The following ERCC6 variants were observed in gnomAD, a reference collection of about 807,000 sequenced individuals.
The protein encoded by ERCC6 is ERCC excision repair 6, chromatin remodeling factor, also known as DNA excision repair protein ERCC-6.
A neutral mutation model predicts 158.7 loss-of-function variants in ERCC6; 116 were observed. The observed-to-expected ratio is 0.73, with a 90% CI of 0.63 to 0.85. The LOEUF (loss-of-function observed/expected upper bound fraction) is 0.85, where lower values mean the gene tolerates loss of function less well. Ranked by LOEUF, ERCC6 falls within the 40% of genes least tolerant of loss-of-function variation. ERCC6 has a pLI of 0.00. For missense variants in ERCC6, 1,698 were observed against 1,799.4 expected, an observed-to-expected ratio of 0.94 and a Z score of 1.02; for synonymous variants, 678 against 659.3, an observed-to-expected ratio of 1.03 and a Z score of -0.43.
downstream of ERCC6, among the ~76,000 whole-genome samples, chr10:49,452,222 A>C (rs1034452447): frequency 1.3e-5 from 2 of 151,902 alleles, no homozygotes; most frequent in Admixed American, 6.6e-5. Flanking sequence ...CTTCCTTAAT[A>C]CAGGCATTTA....
intron 20 of ERCC6, 99 bp from the exon 21 acceptor site, chr10:49,459,333 G>T: frequency 7.5e-7 from 1 of 1,334,700 alleles, no homozygotes; most frequent in Non-Finnish European, 1.1e-6. Flanking sequence ...CAACACATGT[G>T]CCAGGGTGGT....
intron 2 of ERCC6, 47 bp downstream of exon 2, chr10:49,532,496 T>C (rs1837491659): frequency 6.2e-7 from 1 of 1,608,518 alleles, no homozygotes; most frequent in South Asian, 1.1e-5. Context: ...AATATCCCTG[T>C]CATGTTTTAC....
intron 2 of ERCC6, among the ~76,000 whole-genome samples, chr10:49,531,322 TACAGC>T (rs4253021): frequency 0.065 from 9,825 of 152,290 alleles, 422 homozygotes; most frequent in Middle Eastern, 0.11. Context: ...ATTCACTTAC[TACAGC>T]ACTAAACTTT....
At chr10:49,534,737 C>A (rs760438715) in intron 1 of ERCC6, among the ~76,000 whole-genome samples, 6 of 152,108 alleles carry the variant, frequency 3.9e-5, no homozygotes, top group Non-Finnish European at 8.8e-5. Flanking sequence ...AAACGATAAC[C>A]AAAAATCAGT....
intron 8 of ERCC6, among the ~76,000 whole-genome samples, chr10:49,485,746 T>C (rs763537022): frequency 1.3e-5 from 2 of 152,104 alleles, no homozygotes; most frequent in South Asian, 2.1e-4. Context: ...AACTAGAAAA[T>C]AGAATGTAGA....
At chr10:49,528,583 C>A (rs1837396549) in intron 3 of ERCC6, 58 bp from the exon 4 acceptor site, 3 of 1,584,894 alleles carry the variant, frequency 1.9e-6, no homozygotes, top group Non-Finnish European at 2.6e-6. Flanking sequence ...TTGTTAAATA[C>A]AAAAGATAGC....
chr10:49,483,553 T>C (rs764425226), intron 8 of ERCC6, 37 bp from the exon 9 acceptor site: 5 of 1,599,976 alleles, frequency 3.1e-6, no homozygotes, highest in Non-Finnish European at 3.4e-6. Context: ...CAGTTTTAAA[T>C]AAGAAGTGAC....
In ERCC6 at chr10:49,466,732, C is replaced by G. The variant is rs185438818; in HGVS notation, c.3778+3450G>C. Among the ~76,000 whole-genome samples, 82 of 152,238 alleles carry G rather than the reference C, an allele frequency of 5.4e-4. 1 individual carries two copies. In the East Asian group the frequency reaches 0.015, roughly 29 times the overall value. On this transcript the variant is annotated intron_variant, in intron 18 of 20. Coordinates refer to ENST00000355832, the MANE Select transcript of ERCC6 (RefSeq NM_000124.4). ...AGAGTATGTACTAATCTTACTAGTC[C>G]GAAAGTCATCCATGCTGTAGCATGT... is the stretch of plus-strand genomic sequence containing the variant.
At chr10:49,478,822 G>A (rs533630825) in intron 10 of ERCC6, among the ~76,000 whole-genome samples, 2 of 152,268 alleles carry the variant, frequency 1.3e-5, no homozygotes, top group East Asian at 3.9e-4. Context: ...TTGACCACCA[G>A]CCCTAGGGGA....
rs764394351 is a variant in ERCC6, at chr10:49,470,467, T to C, written c.3493A>G (p.Thr1165Ala). The C allele has an allele frequency of 5.0e-6, 8 of 1,614,176 alleles. No homozygotes were observed. Among genetic ancestry groups the C allele is most frequent in the African/African-American group, 1.3e-5 (1 of 75,064 alleles). Residue 1165 changes from threonine (T) to alanine (A), a missense_variant, in exon 18 of 21, where the codon ACA (threonine) becomes GCA (alanine). Thr to Ala is a moderately conservative substitution (Grantham distance 58, BLOSUM62 0). Transcript: ENST00000355832. ...YKRERPSQAQ[T>A]EAFWENKQME... ...TGTTTATTCTCCCAAAAAGCTTCTG[T>C]TTGAGCCTGGCTGGGTCTTTCTCTT...
intron 10 of ERCC6, 122 bp downstream of exon 10, chr10:49,482,565 T>C (rs2132551413): frequency 4.9e-6 from 3 of 607,652 alleles, no homozygotes; most frequent in African/African-American, 1.9e-5. Context: ...TTTAACCAGA[T>C]ACCAATTTAT....
intron 5 of ERCC6, among the ~76,000 whole-genome samples, chr10:49,511,185 G>C (rs1456839611): frequency 6.6e-6 from 1 of 152,152 alleles, no homozygotes; most frequent in Non-Finnish European, 1.5e-5. Context: ...GAAAGAACCA[G>C]GAGCCCTGAG....
At chr10:49,516,656 C>T in intron 5 of ERCC6, 1 of 1,614,150 alleles carries the variant, frequency 6.2e-7, no homozygotes. Flanking sequence ...GTTCAATGAC[C>T]TCGTCATCAA....
In ERCC6 at chr10:49,495,578, C is replaced by G. The variant is rs796639457; in HGVS notation, c.1686-2326G>C. 3.9e-5 allele frequency among the ~76,000 whole-genome samples: 6 copies of G among 152,216 alleles called. 1 individual carries two copies. Among genetic ancestry groups the G allele is most frequent in the African/African-American group, 9.6e-5 (4 of 41,522 alleles). ...CTCCAAACCACCACACACTAGAAAT[C>G]TCACTGCCGATATCCCCAAAGCACC... On this transcript the variant is annotated intron_variant, in intron 7 of 20. Transcript: ENST00000355832.
chr10:49,437,901 T>C, the ERCC6 span, among the ~76,000 whole-genome samples: 2 of 152,350 alleles, frequency 1.3e-5, no homozygotes, highest in South Asian at 4.1e-4. Context: ...CATTTGAGAA[T>C]AGGACACATG....
chr10:49,530,801 A>C lies in ERCC6; in HGVS notation c.462T>G (p.Ile154Met), dbSNP rs1837451863. The stretch of plus-strand genomic sequence containing the variant: ...TGGCAGCTTGAGGGCTAAGCTGTTC[A>C]ATAATTTTATTGATTTGCCTTAGGG... ...TTSLRQINKI[I>M]EQLSPQAATS... Residue 154 changes from isoleucine (I) to methionine (M), a missense_variant, in exon 3 of 21, where the codon ATT (isoleucine) becomes ATG (methionine). Ile to Met is a conservative substitution (Grantham distance 10). Coordinates refer to ENST00000355832, the MANE Select transcript of ERCC6 (RefSeq NM_000124.4). 1 of 1,613,708 alleles carries C rather than the reference A, an allele frequency of 6.2e-7. No individual in the cohort carries two copies. The highest frequency in any genetic ancestry group is 1.1e-5 in the South Asian group (1 of 91,086).
intron 12 of ERCC6, chr10:49,475,191 T>C (rs1850854281): frequency 6.7e-6 from 2 of 298,152 alleles, no homozygotes; most frequent in Non-Finnish European, 1.3e-5. Flanking sequence ...GTGCTGCATA[T>C]GTAAAATACA....
chr10:49,440,465 T>G, the ERCC6 span, among the ~76,000 whole-genome samples: 1 of 152,118 alleles, frequency 6.6e-6, no homozygotes, highest in Admixed American at 6.5e-5. Flanking sequence ...CAATTCAAGT[T>G]GAGATTTGGG....
chr10:49,539,337 G>A (rs1837683927), upstream of ERCC6: 1 of 152,328 alleles, frequency 6.6e-6, no homozygotes, highest in African/African-American at 2.4e-5. Context: ...TTTCCACGTA[G>A]AGGGGGATGC....
Sources: allele counts gnomAD v4.1 joint callset (sites outside exome capture counted in the v4.1 genomes callset), GRCh38; gene constraint gnomAD v4.1.1; transcripts MANE v1.5; gene names NCBI Gene and HGNC (gene_info 2026-07-23, HGNC 2026-07-21).